The following GRK1 variants were observed in gnomAD, a reference collection of about 807,000 sequenced individuals.
GRK1 encodes the protein G protein-coupled receptor kinase 1, also known as rhodopsin kinase GRK1.
Under a neutral mutation model 41.7 loss-of-function variants are expected in GRK1, and 28 were observed. The ratio of observed to expected loss-of-function variants is 0.67; its 90% CI spans 0.50 to 0.92. The LOEUF is 0.92. Ranked by LOEUF, GRK1 falls within the 40% of genes least tolerant of loss-of-function variation. GRK1 has a pLI of 0.00. For synonymous variants in GRK1, 327 were observed against 286.7 expected (o/e 1.14, Z -1.42); for missense variants, 703 against 671.2 (o/e 1.05, Z -0.52).
chr13:113,667,658 ACAT>A lies in GRK1; in HGVS notation c.274_276del (p.Ile92del). 6.2e-7 allele frequency: 1 copy of A among 1,613,624 alleles called. No individual in the cohort carries two copies. The highest frequency in any genetic ancestry group is 8.5e-7 in the Non-Finnish European group (1 of 1,179,906). On this transcript the variant is annotated inframe_deletion, in exon 1 of 7. Coordinates refer to ENST00000335678, the MANE Select transcript of GRK1 (RefSeq NM_002929.3). The surrounding 1 kb of genome is among the most constrained non-coding windows in gnomAD (Gnocchi z 7.5). ...CTGCCGGCCCTGGAGCTCTGGAAAG[ACAT>A]CGAGGACTATGACACGGCAGACAAT...
At chr13:113,649,710 A>G in the GRK1 span, among the ~76,000 whole-genome samples, 91 of 152,318 alleles carry the variant, frequency 6.0e-4, no homozygotes, top group African/African-American at 2.0e-3. The surrounding 1 kb of genome is among the most constrained non-coding windows in gnomAD (Gnocchi z 4.7). Flanking sequence ...CCCCCCATGT[A>G]AAAATGGAAA....
Position 113,736,089 on chromosome 13 carries a change from G to A in GRK1, c.*726G>A, listed in dbSNP as rs1317742842. On this transcript the variant is annotated 3_prime_UTR_variant, in exon 7 of 7. Coordinates refer to ENST00000335678, the MANE Select transcript of GRK1 (RefSeq NM_002929.3). Reference sequence around the variant, plus strand: ...GAGTCTGGGGGTCTCAGTGCATCTTGGGGTCTCCTTATCTCAGGGTGTCCA... The same window carrying A: ...GAGTCTGGGGGTCTCAGTGCATCTTAGGGTCTCCTTATCTCAGGGTGTCCA... 6.6e-6 allele frequency: 1 copy of A among 152,326 alleles called. No homozygotes were observed. Among genetic ancestry groups the A allele is most frequent in the Non-Finnish European group, 1.5e-5 (1 of 68,112 alleles). 9.4% of individuals were successfully genotyped at this position (152,326 alleles called of 1,614,324 possible).
chr13:113,648,721 T>C, the GRK1 span: 1 of 152,358 alleles, frequency 6.6e-6, no homozygotes, highest in East Asian at 1.9e-4. Context: ...CTCCCGGAGC[T>C]GTGAGCGTCC....
At chr13:113,724,805 T>G (rs2049880965) in intron 4 of GRK1, among the ~76,000 whole-genome samples, 1 of 152,232 alleles carries the variant, frequency 6.6e-6, no homozygotes, top group African/African-American at 2.4e-5. Flanking sequence ...GTAGAAACGG[T>G]TGGCGCTGCG....
chr13:113,671,775 T>G lies in GRK1; in HGVS notation c.985+119T>G, dbSNP rs1258354028. 1.5e-6 allele frequency: 1 copy of G among 677,546 alleles called. No individual in the cohort carries two copies. Among genetic ancestry groups the G allele is most frequent in the Non-Finnish European group, 2.7e-6 (1 of 370,666 alleles). 42.0% of individuals were successfully genotyped at this position (677,546 alleles called of 1,614,324 possible). A position where few individuals can be genotyped will look rare whatever the true frequency, so the allele number is the denominator to read the frequency against. On this transcript the variant is annotated intron_variant, in intron 3 of 6. Coordinates refer to ENST00000335678, the MANE Select transcript of GRK1 (RefSeq NM_002929.3). This position sits in a 1 kb window ranked among gnomAD's most constrained non-coding sequence, Gnocchi z 4.1. ...CGGCTGTGTGGACGGTGGGGGTTCA[T>G]GAGGGCTGACGGCTTCGTGGACGGT... is the stretch of plus-strand genomic sequence containing the variant.
At chr13:113,672,204 T>A (rs903933056) in intron 3 of GRK1, among the ~76,000 whole-genome samples, 114 of 150,226 alleles carry the variant, frequency 7.6e-4, no homozygotes, top group African/African-American at 2.5e-3. Context: ...TGTGTGTGTG[T>A]TGTGTGTGGT....
chr13:113,649,905 G>A, the GRK1 span, among the ~76,000 whole-genome samples: 4 of 152,208 alleles, frequency 2.6e-5, no homozygotes, highest in African/African-American at 9.7e-5. The surrounding 1 kb of genome is among the most constrained non-coding windows in gnomAD (Gnocchi z 4.7). Context: ...GCTCATGCCT[G>A]TAATCCTAGC....
At chr13:113,651,771 G>T in the GRK1 span, 1 of 1,602,158 alleles carries the variant, frequency 6.2e-7, no homozygotes, top group Non-Finnish European at 8.5e-7. Flanking sequence ...CACCCCCACC[G>T]CCATGTGAGG....
chr13:113,653,166 C>T, the GRK1 span: 2 of 1,474,556 alleles, frequency 1.4e-6, no homozygotes, highest in South Asian at 1.3e-5. Context: ...GTGCGAGTTT[C>T]TCATGAAATA....
At chr13:113,724,000 G>A (rs1317589885) in intron 4 of GRK1, among the ~76,000 whole-genome samples, 2 of 151,914 alleles carry the variant, frequency 1.3e-5, no homozygotes, top group African/African-American at 4.8e-5. Context: ...CTGTGCACAC[G>A]TGTGTCCGTG....
chr13:113,728,158 GCGA>G (rs2049905629), intron 4 of GRK1, among the ~76,000 whole-genome samples: 1 of 109,826 alleles, frequency 9.1e-6, no homozygotes, highest in Non-Finnish European at 1.8e-5. Context: ...AGTACCCATG[GCGA>G]TGAGGAATAC....
At chr13:113,650,347 G>T in the GRK1 span, 3 of 1,504,732 alleles carry the variant, frequency 2.0e-6, no homozygotes, top group Non-Finnish European at 2.8e-6. This position sits in a 1 kb window ranked among gnomAD's most constrained non-coding sequence, Gnocchi z 5.0. Context: ...CTTTCCTTTC[G>T]CTAAGTGTGA....
chr13:113,734,193 G>A (rs757605141), intron 6 of GRK1, among the ~76,000 whole-genome samples: 3 of 152,226 alleles, frequency 2.0e-5, no homozygotes, highest in Non-Finnish European at 4.4e-5. Context: ...AGGGCCACAG[G>A]TGACCAGGGA....
the GRK1 span, among the ~76,000 whole-genome samples, chr13:113,659,315 C>T: frequency 6.6e-6 from 1 of 152,212 alleles, no homozygotes; most frequent in Non-Finnish European, 1.5e-5. Flanking sequence ...GAAATGTGCT[C>T]AGGGGCCTTC....
rs1269197063 is a variant in GRK1 at position 113,737,468 on chromosome 13, T to G, written c.*2105T>G. On this transcript the variant is annotated 3_prime_UTR_variant, in exon 7 of 7. Coordinates refer to ENST00000335678, the MANE Select transcript of GRK1 (RefSeq NM_002929.3). Reference sequence around the variant, plus strand: ...GGTGAGGAGCATGTCTTCCCATAGATCCCACGTCGGCCACACCCTGGGTGA... The same window carrying G: ...GGTGAGGAGCATGTCTTCCCATAGAGCCCACGTCGGCCACACCCTGGGTGA... The G allele has an allele frequency of 9.7e-5, 13 of 134,152 alleles. No homozygotes were observed. In the Admixed American group the frequency reaches 9.8e-4, roughly 10 times the overall value. 8.3% of individuals were successfully genotyped at this position (134,152 alleles called of 1,614,324 possible). A position where few individuals can be genotyped will look rare whatever the true frequency, so the allele number is the denominator to read the frequency against.
intron 4 of GRK1, among the ~76,000 whole-genome samples, chr13:113,723,507 G>C (rs2049869657): frequency 6.6e-6 from 1 of 152,114 alleles, no homozygotes; most frequent in East Asian, 1.9e-4. Flanking sequence ...ACACTGGTTC[G>C]GTCTGGAAAG....
the GRK1 span, among the ~76,000 whole-genome samples, chr13:113,656,083 C>G: frequency 6.6e-6 from 1 of 152,260 alleles, no homozygotes; most frequent in African/African-American, 2.4e-5. Flanking sequence ...GCCACAGCAG[C>G]TTGGCTTCAG....
intron 4 of GRK1, among the ~76,000 whole-genome samples, chr13:113,729,600 C>G (rs1209755049): frequency 6.6e-6 from 1 of 152,230 alleles, no homozygotes; most frequent in Non-Finnish European, 1.5e-5. Context: ...TGCCAGAGCC[C>G]TGAAGCTGCA....
chr13:113,650,342 CT>C, the GRK1 span: 12 of 1,493,172 alleles, frequency 8.0e-6, no homozygotes, highest in African/African-American at 1.4e-5. This position sits in a 1 kb window ranked among gnomAD's most constrained non-coding sequence, Gnocchi z 5.0. Flanking sequence ...TATTGCTTTC[CT>C]TTCGCTAAGT....
Sources: gnomAD v4.1 joint callset for allele counts (sites outside exome capture counted in the v4.1 genomes callset) on GRCh38, gnomAD v4.1.1 for gene constraint, Gnocchi (gnomAD v3.1) non-coding constraint, MANE v1.5 for transcripts, NCBI Gene and HGNC (gene_info 2026-07-23, HGNC 2026-07-21) for gene names.